Variants in TPST1 observed in about 807,000 individuals in gnomAD.
The protein encoded by TPST1 is tyrosylprotein sulfotransferase 1, also known as protein-tyrosine sulfotransferase 1.
Under a neutral mutation model 34.8 loss-of-function variants are expected in TPST1, and 20 were observed. That is an observed-to-expected ratio of 0.57 (90% confidence interval 0.40 to 0.84). The LOEUF is 0.84. TPST1 is among the 40% of genes least tolerant of loss of function. The pLI is 0.00. For synonymous variants in TPST1, 152 were observed against 159.4 expected (o/e 0.95, Z 0.35); for missense variants, 353 against 455.5 (o/e 0.78, Z 2.05).
intron 3 of TPST1, among the ~76,000 whole-genome samples, chr7:66,307,253 G>A (rs1215091109): frequency 6.6e-6 from 1 of 151,922 alleles, no homozygotes; most frequent in Non-Finnish European, 1.5e-5. Flanking sequence ...GAGTAGCTGG[G>A]ACTACAGGCG....
the TPST1 span, among the ~76,000 whole-genome samples, chr7:66,198,863 C>A: frequency 6.6e-6 from 1 of 152,162 alleles, no homozygotes; most frequent in Non-Finnish European, 1.5e-5. Context: ...AATTGTATCA[C>A]CCTTTTCTTT....
At chr7:66,292,659 G>C (rs1381461033) in intron 3 of TPST1, among the ~76,000 whole-genome samples, 1 of 133,240 alleles carries the variant, frequency 7.5e-6, no homozygotes, top group Non-Finnish European at 1.6e-5. Context: ...ACTCGGAAAG[G>C]GAACTCCCTG....
chr7:66,328,277 C>T (rs1366248842), intron 3 of TPST1, among the ~76,000 whole-genome samples: 1 of 151,700 alleles, frequency 6.6e-6, no homozygotes, highest in Admixed American at 6.6e-5. Flanking sequence ...TCTTCTCGCC[C>T]CAGCCTCCCA....
chr7:66,332,353 C>T lies in TPST1; in HGVS notation c.1045-20152C>T, dbSNP rs1371716171. On this transcript the variant is annotated intron_variant, in intron 3 of 5. Coordinates refer to ENST00000304842, the MANE Select transcript of TPST1 (RefSeq NM_003596.4). The surrounding 1 kb of genome is among the most constrained non-coding windows in gnomAD (Gnocchi z 4.5). ...CACAATCTCAGCTCACTGCAACGTC[C>T]GTCTCCTGAGTTCAAGCGATTCTCC... Among the ~76,000 whole-genome samples the T allele has an allele frequency of 1.3e-5, 2 of 151,752 alleles. No homozygotes were observed. Among genetic ancestry groups the T allele is most frequent in the African/African-American group, 2.4e-5 (1 of 41,288 alleles).
chr7:66,340,305 G>T (rs1488964571), intron 3 of TPST1, among the ~76,000 whole-genome samples: 3 of 152,074 alleles, frequency 2.0e-5, no homozygotes, highest in Non-Finnish European at 4.4e-5. Context: ...GCTGAATAAT[G>T]AATAATTTTT....
intron 3 of TPST1, among the ~76,000 whole-genome samples, chr7:66,335,391 G>GT (rs1792076500): frequency 6.6e-6 from 1 of 151,606 alleles, no homozygotes; most frequent in Non-Finnish European, 1.5e-5. Flanking sequence ...GGAGACAGAG[G>GT]TTACAGTGAG....
intron 1 of TPST1, among the ~76,000 whole-genome samples, chr7:66,224,323 T>C (rs759213003): frequency 1.1e-4 from 17 of 152,200 alleles, no homozygotes; most frequent in Admixed American, 2.6e-4. Context: ...TAGAAGTAAA[T>C]GGAGAAACCA....
At chr7:66,269,619 A>T (rs1382936123) in intron 2 of TPST1, among the ~76,000 whole-genome samples, 5 of 152,314 alleles carry the variant, frequency 3.3e-5, no homozygotes, top group South Asian at 2.1e-4. Context: ...ACTGCACTCA[A>T]CATGTTTTTA....
At chr7:66,334,843 G>C (rs1185523132) in intron 3 of TPST1, among the ~76,000 whole-genome samples, 1 of 152,088 alleles carries the variant, frequency 6.6e-6, no homozygotes, top group Admixed American at 6.6e-5. Context: ...TGAGAGGAAG[G>C]AATTGGAGGT....
intron 1 of TPST1, among the ~76,000 whole-genome samples, chr7:66,224,261 C>G (rs1789603965): frequency 6.6e-6 from 1 of 152,194 alleles, no homozygotes; most frequent in African/African-American, 2.4e-5. Flanking sequence ...TGCATTTATT[C>G]ATTGGCAAGT....
chr7:66,356,815 C>T lies in TPST1; in HGVS notation c.1096-10C>T, dbSNP rs760352503. 6.2e-7 allele frequency: 1 copy of T among 1,614,160 alleles called. No homozygotes were observed. Among genetic ancestry groups the T allele is most frequent in the Non-Finnish European group, 8.5e-7 (1 of 1,180,014 alleles). On this transcript the variant is annotated splice_polypyrimidine_tract_variant and intron_variant, in intron 4 of 5. Coordinates refer to ENST00000304842, the MANE Select transcript of TPST1 (RefSeq NM_003596.4). ...AAGGACATTAAAACATCTTTTCTTT[C>T]CTTCAACAGACTGAGCAAGTGGAGT...
intron 1 of TPST1, among the ~76,000 whole-genome samples, chr7:66,210,439 T>C (rs1426593449): frequency 6.6e-6 from 1 of 152,192 alleles, no homozygotes; most frequent in African/African-American, 2.4e-5. Flanking sequence ...TCAGTGATTT[T>C]CAACATAGGC....
At chr7:66,222,150 G>A (rs1156749334) in intron 1 of TPST1, among the ~76,000 whole-genome samples, 1 of 152,162 alleles carries the variant, frequency 6.6e-6, no homozygotes, top group Non-Finnish European at 1.5e-5. Context: ...TTGGGAGGCC[G>A]AGGCAGGTGG....
At chr7:66,239,848 A>G (rs142905148) in intron 1 of TPST1, among the ~76,000 whole-genome samples, 233 of 152,204 alleles carry the variant, frequency 1.5e-3, no homozygotes, top group African/African-American at 5.4e-3. Context: ...TACTGAGTAA[A>G]ACAAATTTTA....
chr7:66,320,253 T>C (rs1267777260), intron 3 of TPST1, among the ~76,000 whole-genome samples: 4 of 144,086 alleles, frequency 2.8e-5, no homozygotes, highest in Non-Finnish European at 4.6e-5. Context: ...TTCTTTTTTT[T>C]TTTTTTTTTT....
At position 66,340,029 on chromosome 7, in the gene TPST1, A is replaced by T. The variant is rs192289742; in HGVS notation, c.1045-12476A>T. On this transcript the variant is annotated intron_variant, in intron 3 of 5. Coordinates refer to ENST00000304842, the MANE Select transcript of TPST1 (RefSeq NM_003596.4). ...TCCCTTCTTGATAAAAATTCTCAAC[A>T]AACGGTATAGAAGGAACATACTTCG... Among the ~76,000 whole-genome samples the T allele has an allele frequency of 3.9e-4, 59 of 152,190 alleles. No homozygotes were observed. The East Asian group carries it at 8.9e-3, about 23-fold the overall frequency.
At chr7:66,327,794 A>G (rs925352320) in intron 3 of TPST1, among the ~76,000 whole-genome samples, 2 of 151,716 alleles carry the variant, frequency 1.3e-5, no homozygotes, top group African/African-American at 4.8e-5. Context: ...GCAAAAATGT[A>G]GAGTCCATAA....
chr7:66,207,671 A>G (rs910109288), intron 1 of TPST1, among the ~76,000 whole-genome samples: 1 of 152,150 alleles, frequency 6.6e-6, no homozygotes, highest in Admixed American at 6.5e-5. Context: ...AATAGCACCT[A>G]TATATTTATG....
intron 1 of TPST1, among the ~76,000 whole-genome samples, chr7:66,227,977 G>A (rs1347197429): frequency 6.6e-6 from 1 of 152,106 alleles, no homozygotes; most frequent in Non-Finnish European, 1.5e-5. Context: ...CCAAATAAAT[G>A]CTGGTAAATC....
Sources: allele counts gnomAD v4.1 joint callset (sites outside exome capture counted in the v4.1 genomes callset), GRCh38; gene constraint gnomAD v4.1.1; non-coding constraint Gnocchi (gnomAD v3.1); transcripts MANE v1.5; gene names NCBI Gene and HGNC (gene_info 2026-07-23, HGNC 2026-07-21).